The following FSTL4 variants were observed in gnomAD, a reference collection of about 807,000 sequenced individuals.
FSTL4 encodes the protein follistatin-related protein 4.
A neutral mutation model predicts 78.2 loss-of-function variants in FSTL4; 28 were observed. That is an observed-to-expected ratio of 0.36 (90% CI 0.27 to 0.49). The LOEUF is 0.49. Among genes scored for constraint, FSTL4 ranks in the 20% least tolerant of loss-of-function variants. The pLI is 0.98. For synonymous variants in FSTL4, 422 were observed against 440.5 expected, an observed-to-expected ratio of 0.96 and a Z score of 0.53; for missense variants, 922 against 1,084.9, an observed-to-expected ratio of 0.85 and a Z score of 2.11.
chr5:133,738,385 A>G, the FSTL4 span, among the ~76,000 whole-genome samples: 1 of 150,582 alleles, frequency 6.6e-6, no homozygotes, highest in African/African-American at 2.4e-5. Flanking sequence ...AGTGTAGAGC[A>G]GGACGTGGTC....
chr5:133,374,052 G>A (rs986323929), intron 4 of FSTL4, among the ~76,000 whole-genome samples: 1 of 152,122 alleles, frequency 6.6e-6, no homozygotes, highest in African/African-American at 2.4e-5. Context: ...GGGAAACCCT[G>A]AGCCCCACAT....
At chr5:133,800,809 C>T in the FSTL4 span, among the ~76,000 whole-genome samples, 1 of 152,052 alleles carries the variant, frequency 6.6e-6, no homozygotes, top group Non-Finnish European at 1.5e-5. Flanking sequence ...GAGCAATGTG[C>T]CTTTTAGTCA....
chr5:133,448,745 G>A (rs906951481), intron 3 of FSTL4, among the ~76,000 whole-genome samples: 1 of 148,578 alleles, frequency 6.7e-6, no homozygotes, highest in African/African-American at 2.5e-5. Flanking sequence ...GGGGCGGGGG[G>A]GGGGGGCGCT....
In FSTL4 at chr5:133,269,385, G is replaced by A. The variant is rs1752717550; in HGVS notation, c.728-19809C>T. On this transcript the variant is annotated intron_variant, in intron 6 of 15. Transcript: ENST00000265342. ...AATTGCCAGTGGAATTTATCCATGA[G>A]GCGTGAGACGGGGGATAAGAGAGCA... Among the ~76,000 whole-genome samples, 3 of 152,186 alleles carry A rather than the reference G, an allele frequency of 2.0e-5. No individual in the cohort carries two copies. In the South Asian group the frequency reaches 6.2e-4, roughly 31 times the overall value.
chr5:133,488,805 C>T (rs1425447377), intron 3 of FSTL4, among the ~76,000 whole-genome samples: 7 of 152,058 alleles, frequency 4.6e-5, no homozygotes, highest in Non-Finnish European at 4.4e-5. Flanking sequence ...CTTCAGAGGG[C>T]CACCCTCACC....
At chr5:133,313,519 C>G (rs980854905) in intron 5 of FSTL4, among the ~76,000 whole-genome samples, 3 of 152,192 alleles carry the variant, frequency 2.0e-5, no homozygotes, top group African/African-American at 7.2e-5. Flanking sequence ...TAGGCACCCT[C>G]ACTCAGCTGG....
At chr5:133,304,280 T>G (rs1371838037) in intron 6 of FSTL4, among the ~76,000 whole-genome samples, 1 of 152,236 alleles carries the variant, frequency 6.6e-6, no homozygotes, top group African/African-American at 2.4e-5. Context: ...TGCAGCCATT[T>G]TTGAGTATTT....
chr5:133,213,036 G>T (rs1228196884), intron 13 of FSTL4, among the ~76,000 whole-genome samples: 2 of 148,302 alleles, frequency 1.3e-5, no homozygotes, highest in Non-Finnish European at 3.0e-5. Context: ...TTTTTGAGAC[G>T]GAGTCTCCCT....
At chr5:133,424,127 A>G (rs1033565059) in intron 3 of FSTL4, among the ~76,000 whole-genome samples, 1 of 152,230 alleles carries the variant, frequency 6.6e-6, no homozygotes, top group South Asian at 2.1e-4. Flanking sequence ...CCTGTCCCCA[A>G]GATTTCAGGG....
intron 3 of FSTL4, among the ~76,000 whole-genome samples, chr5:133,517,422 C>CA (rs34374583): frequency 0.011 from 115 of 10,604 alleles, 31 homozygotes; most frequent in African/African-American, 0.026. Flanking sequence ...GACTCCATCT[C>CA]AAAAAAAAAA....
intron 8 of FSTL4, among the ~76,000 whole-genome samples, chr5:133,226,694 C>T (rs1225014083): frequency 1.3e-5 from 2 of 152,378 alleles, no homozygotes; most frequent in South Asian, 2.1e-4. Context: ...ACTAAACACA[C>T]TGTCCCTGGA....
At chr5:133,521,295 C>T (rs13178263) in intron 3 of FSTL4, among the ~76,000 whole-genome samples, 5,813 of 152,276 alleles carry the variant, frequency 0.038, 221 homozygotes, top group African/African-American at 0.097. Context: ...GCTGAGCAGT[C>T]GGGCAGGCTG....
At chr5:133,543,619 C>T (rs1178651859) in intron 3 of FSTL4, among the ~76,000 whole-genome samples, 2 of 152,042 alleles carry the variant, frequency 1.3e-5, no homozygotes, top group Non-Finnish European at 2.9e-5. Context: ...GCTCTTTCTG[C>T]TATTTTTCTG....
At position 133,224,179 on chromosome 5, in the gene FSTL4, A is replaced by C. The variant is rs1222841712; in HGVS notation, c.1339+11T>G. The C allele has an allele frequency of 1.9e-6, 3 of 1,611,064 alleles. No homozygotes were observed. The highest frequency in any genetic ancestry group is 3.3e-5 in the Admixed American group (2 of 59,944). On this transcript the variant is annotated intron_variant, in intron 11 of 15. Coordinates refer to ENST00000265342, the MANE Select transcript of FSTL4 (RefSeq NM_015082.2). Reference sequence around the variant, plus strand: ...ATCACAGGCATGACGCAAAACAATGAAGCTTGGTACCTTCCTCTCGCCACA... The same window carrying C: ...ATCACAGGCATGACGCAAAACAATGCAGCTTGGTACCTTCCTCTCGCCACA...
intron 3 of FSTL4, among the ~76,000 whole-genome samples, chr5:133,413,205 A>G (rs1325517118): frequency 6.6e-6 from 1 of 152,166 alleles, no homozygotes; most frequent in Non-Finnish European, 1.5e-5. Flanking sequence ...ACTATATGAC[A>G]ATACTGTATA....
intron 3 of FSTL4, among the ~76,000 whole-genome samples, chr5:133,543,010 T>G (rs1366044151): frequency 6.6e-6 from 1 of 152,102 alleles, no homozygotes; most frequent in Non-Finnish European, 1.5e-5. Context: ...ACTCTGCTAC[T>G]CTTTTCCTAA....
chr5:133,689,216 C>T, the FSTL4 span, among the ~76,000 whole-genome samples: 4 of 152,164 alleles, frequency 2.6e-5, no homozygotes, highest in African/African-American at 9.7e-5. Context: ...TGCCTTAGTT[C>T]CACAACAATC....
At chr5:133,313,498 G>A (rs551725234) in intron 5 of FSTL4, among the ~76,000 whole-genome samples, 1 of 152,054 alleles carries the variant, frequency 6.6e-6, no homozygotes, top group South Asian at 2.1e-4. Context: ...GGTAACTAAG[G>A]GTAGAAATTC....
intron 4 of FSTL4, among the ~76,000 whole-genome samples, chr5:133,379,860 A>G (rs891757849): frequency 1.3e-5 from 2 of 152,026 alleles, no homozygotes; most frequent in Non-Finnish European, 2.9e-5. Flanking sequence ...GCGGATCACA[A>G]GGTCAAGAGA....
Sources: gnomAD v4.1 joint callset for allele counts (sites outside exome capture counted in the v4.1 genomes callset) on GRCh38, gnomAD v4.1.1 for gene constraint, MANE v1.5 for transcripts, NCBI Gene and HGNC (gene_info 2026-07-23, HGNC 2026-07-21) for gene names.